The following ARHGAP8 variants were observed in gnomAD, a reference collection of about 807,000 sequenced individuals.
ARHGAP8 encodes rho GTPase-activating protein 8.
In ARHGAP8, 62 loss-of-function variants were observed where a neutral mutation model predicts 46.1. That is an observed-to-expected ratio of 1.34 (90% CI 1.10 to 1.66). The LOEUF (loss-of-function observed/expected upper bound fraction) is 1.66. ARHGAP8 is among the 40% of genes most tolerant of loss of function. The pLI, the probability that ARHGAP8 is intolerant of heterozygous loss-of-function variation, is 0.00. For synonymous variants in ARHGAP8, 375 were observed against 243.1 expected (o/e 1.54, Z -5.05); for missense variants, 923 against 568.4 (o/e 1.62, Z -6.34).
chr22:44,774,508 T>A (rs1926270875), intron 1 of ARHGAP8, among the ~76,000 whole-genome samples: 2 of 151,446 alleles, frequency 1.3e-5, no homozygotes, highest in African/African-American at 4.8e-5. Context: ...TATTGGTATT[T>A]CTTTGGGAGA....
At position 44,845,328 on chromosome 22, in the gene ARHGAP8, A is replaced by G. The variant is rs986321587; in HGVS notation, c.656A>G (p.Tyr219Cys). The G allele has an allele frequency of 6.2e-7, 1 of 1,614,110 alleles. No individual in the cohort carries two copies. Among genetic ancestry groups the G allele is most frequent in the Non-Finnish European group, 8.5e-7 (1 of 1,179,994 alleles). ...IPPVLRFTVT[Y>C]LREKGLRTEG... ...CCTGTGCTGAGGTTCACAGTGACGT[A>G]CCTGAGAGAGAAAGGTGAGACGGGG... Residue 219 changes from tyrosine (Y) to cysteine (C), a missense_variant, in exon 8 of 12, where the codon TAC (tyrosine) becomes TGC (cysteine). Physicochemically the swap from Tyr to Cys is radical, Grantham distance 194 (BLOSUM62 -2). Coordinates refer to ENST00000356099, the MANE Select transcript of ARHGAP8 (RefSeq NM_181335.3).
At chr22:44,756,724 C>A (rs550512459) in intron 1 of ARHGAP8, among the ~76,000 whole-genome samples, 1 of 151,640 alleles carries the variant, frequency 6.6e-6, no homozygotes, top group Non-Finnish European at 1.5e-5. Context: ...AAGTTGAATC[C>A]CTTTTCTAAA....
chr22:44,862,359 G>A lies in ARHGAP8; in HGVS notation c.1066G>A (p.Gly356Arg), dbSNP rs766275911. 4 of 1,614,002 alleles carry A rather than the reference G, an allele frequency of 2.5e-6. No individual in the cohort carries two copies. Among genetic ancestry groups the A allele is most frequent in the African/African-American group, 1.3e-5 (1 of 74,902 alleles). The change falls in exon 12 of 12, where the codon GGG (glycine) becomes AGG (arginine). Residue 356 changes from glycine (G) to arginine (R), a missense_variant. Gly to Arg is a moderately radical substitution (Grantham distance 125). Transcript: ENST00000356099. The part of the protein sequence containing the change: ...FGLNLIWPSQ[G>R]VSSLSALVPL... Reference sequence around the variant, plus strand: ...GCTGAATTTGATCTGGCCATCCCAGGGGGTCTCCTCCCTGAGTGCCCTTGT... The same window carrying A: ...GCTGAATTTGATCTGGCCATCCCAGAGGGTCTCCTCCCTGAGTGCCCTTGT...
chr22:44,767,380 C>A (rs538828003), intron 1 of ARHGAP8, among the ~76,000 whole-genome samples: 2 of 152,238 alleles, frequency 1.3e-5, no homozygotes, highest in African/African-American at 4.8e-5. Context: ...GAGTAAGCTG[C>A]AGACCCCCAG....
intron 2 of ARHGAP8, among the ~76,000 whole-genome samples, chr22:44,793,819 A>G (rs150368532): frequency 1.4e-3 from 211 of 152,340 alleles, no homozygotes; most frequent in African/African-American, 4.7e-3. Context: ...TCCATATTAT[A>G]TCATATTGAA....
At position 44,834,024 on chromosome 22, in the gene ARHGAP8, T is replaced by G. The variant is rs536077804; in HGVS notation, c.596+8431T>G. On this transcript the variant is annotated intron_variant, in intron 7 of 11. Transcript: ENST00000356099. ...CTCTTCCATTCCTGATTTTAGTAATTTGAATCTTCACCCTTTTTTTCTTGG... is the reference window on the plus strand; with the variant it reads ...CTCTTCCATTCCTGATTTTAGTAATGTGAATCTTCACCCTTTTTTTCTTGG... 1.4e-4 allele frequency among the ~76,000 whole-genome samples: 22 copies of G among 152,262 alleles called. No homozygotes were observed. The South Asian group carries it at 4.6e-3, about 32-fold the overall frequency.
At position 44,789,397 on chromosome 22, in the gene ARHGAP8, C is replaced by T. The variant is rs185080277; in HGVS notation, c.79+2791C>T. Among the ~76,000 whole-genome samples the T allele has an allele frequency of 5.7e-4, 86 of 152,002 alleles. 1 individual carries two copies. The highest frequency in any genetic ancestry group is 1.2e-3 in the African/African-American group (51 of 41,496). Reference sequence around the variant, plus strand: ...AACTCCTGACCTCAGGTGATCCGCCCGCCTCAGCCTCCCAAAGTGCTGGGA... The same window carrying T: ...AACTCCTGACCTCAGGTGATCCGCCTGCCTCAGCCTCCCAAAGTGCTGGGA... On this transcript the variant is annotated intron_variant, in intron 2 of 11. Coordinates refer to ENST00000356099, the MANE Select transcript of ARHGAP8 (RefSeq NM_181335.3).
intron 6 of ARHGAP8, among the ~76,000 whole-genome samples, chr22:44,823,764 A>C (rs1359031441): frequency 6.6e-6 from 1 of 152,038 alleles, no homozygotes; most frequent in African/African-American, 2.4e-5. Flanking sequence ...TGATTTGGGG[A>C]TGAAATGGAC....
intron 2 of ARHGAP8, among the ~76,000 whole-genome samples, chr22:44,797,979 ATT>A (rs36101080): frequency 2.2e-4 from 28 of 128,566 alleles, no homozygotes; most frequent in Admixed American, 8.5e-4. Context: ...GGCCAATAAG[ATT>A]TTTTTTTTTT....
chr22:44,816,884 CTTTTT>C (rs981732386), intron 5 of ARHGAP8, among the ~76,000 whole-genome samples: 2 of 115,106 alleles, frequency 1.7e-5, no homozygotes, highest in African/African-American at 6.6e-5. Flanking sequence ...TTCTTTCTTT[CTTTTT>C]TTTTTTTTTT....
chr22:44,818,449 T>TAAAAAAAAAAAA, intron 5 of ARHGAP8, among the ~76,000 whole-genome samples: 1 of 100,264 alleles, frequency 1.0e-5, no homozygotes, highest in African/African-American at 9.3e-5. Context: ...GACTCCAGTC[T>TAAAAAAAAAAAA]CAAAAAAAAA....
In ARHGAP8 at chr22:44,844,471, T is replaced by C. The variant is rs148195658; in HGVS notation, c.597-798T>C. Among the ~76,000 whole-genome samples the C allele has an allele frequency of 3.2e-3, 487 of 152,220 alleles. 4 individuals carry two copies. Among genetic ancestry groups the C allele is most frequent in the African/African-American group, 8.2e-3 (342 of 41,534 alleles). On this transcript the variant is annotated intron_variant, in intron 7 of 11. Transcript: ENST00000356099. ...TCTCAGATTGGATTTTATTTTATTT[T>C]ATTTTTTTTGAGATGGAGTCTCCCT...
chr22:44,775,737 A>G (rs1415700737), intron 1 of ARHGAP8, among the ~76,000 whole-genome samples: 2 of 152,198 alleles, frequency 1.3e-5, no homozygotes, highest in Non-Finnish European at 2.9e-5. Context: ...GGTGTGAGCC[A>G]CCGCACCTGG....
At chr22:44,854,057 A>T (rs1407220727) in intron 10 of ARHGAP8, among the ~76,000 whole-genome samples, 1 of 135,778 alleles carries the variant, frequency 7.4e-6, no homozygotes, top group African/African-American at 2.7e-5. Context: ...AAAAAAAAAA[A>T]AAAAACCATC....
intron 5 of ARHGAP8, among the ~76,000 whole-genome samples, chr22:44,821,107 G>A (rs1024131825): frequency 6.6e-6 from 1 of 152,128 alleles, no homozygotes; most frequent in Admixed American, 6.5e-5. Flanking sequence ...TCCTTTTCCA[G>A]TAACAACATA....
chr22:44,860,961 G>A (rs1275182563), intron 11 of ARHGAP8, among the ~76,000 whole-genome samples: 12 of 151,508 alleles, frequency 7.9e-5, no homozygotes, highest in Non-Finnish European at 4.4e-5. Flanking sequence ...TCTCCCTGTT[G>A]CTTGACATAA....
At chr22:44,792,808 G>GTGATGGTGT (rs1555911851) in intron 2 of ARHGAP8, among the ~76,000 whole-genome samples, 7 of 150,362 alleles carry the variant, frequency 4.7e-5, no homozygotes, top group African/African-American at 1.7e-4. Flanking sequence ...GGTGGTGGTG[G>GTGATGGTGT]TGGTTTTTTT....
Position 44,756,767 on chromosome 22 carries a change from T to A in ARHGAP8, c.-72+4140T>A, listed in dbSNP as rs146519132. ...TTTTTCCTCCAGCTTTATTTAGGCA[T>A]AATTGGCAAACAAAAATAGTACACA... On this transcript the variant is annotated intron_variant, in intron 1 of 11. Transcript: ENST00000356099. Among the ~76,000 whole-genome samples, 172 of 152,190 alleles carry A rather than the reference T, an allele frequency of 1.1e-3. 4 individuals carry two copies. In the East Asian group the frequency reaches 0.031, roughly 27 times the overall value.
At chr22:44,778,583 G>A (rs984726734) in intron 1 of ARHGAP8, among the ~76,000 whole-genome samples, 1 of 152,162 alleles carries the variant, frequency 6.6e-6, no homozygotes, top group Non-Finnish European at 1.5e-5. Context: ...TCTACGTTTA[G>A]TTCTTTAAGG....
Sources: gnomAD v4.1 joint callset for allele counts (sites outside exome capture counted in the v4.1 genomes callset) on GRCh38, gnomAD v4.1.1 for gene constraint, MANE v1.5 for transcripts, NCBI Gene and HGNC (gene_info 2026-07-23, HGNC 2026-07-21) for gene names.